The following ADAMTS20 variants were observed in gnomAD, a reference collection of about 807,000 sequenced individuals.
The protein encoded by ADAMTS20 is A disintegrin and metalloproteinase with thrombospondin motifs 20.
ADAMTS20 carries 225 observed loss-of-function variants against 260.1 expected under a neutral mutation model. The ratio of observed to expected loss-of-function variants is 0.87; its 90% confidence interval spans 0.78 to 0.97. The LOEUF (loss-of-function observed/expected upper bound fraction) is 0.97. ADAMTS20 is among the 50% of genes least tolerant of loss of function. The pLI is 0.00. For missense variants in ADAMTS20, 2,400 were observed against 2,337.7 expected (o/e 1.03, Z -0.55); for synonymous variants, 802 against 769.5 (o/e 1.04, Z -0.70).
intron 38 of ADAMTS20, 91 bp from the exon 39 acceptor site, chr12:43,354,389 G>T: frequency 1.1e-6 from 1 of 887,568 alleles, no homozygotes; most frequent in Non-Finnish European, 1.8e-6. Context: ...TGAATCATAT[G>T]GCTAAAATCA....
rs919368063 is a variant in ADAMTS20, at chr12:43,428,370, A to G, written c.3816T>C (p.Ser1272=). Residue 1272 remains serine, a synonymous_variant, in exon 26 of 39, where the codon AGT becomes AGC. Coordinates refer to ENST00000389420, the MANE Select transcript of ADAMTS20 (RefSeq NM_025003.5). ...ACPPAHSHFP[S]SPVQPSYYLS... Reference sequence around the variant, plus strand: ...GATAATAGCTTGGCTGCACAGGGGAACTAGGAAAGTGGCTGTGTGCAGGAG... The same window carrying G: ...GATAATAGCTTGGCTGCACAGGGGAGCTAGGAAAGTGGCTGTGTGCAGGAG... 6.2e-7 allele frequency: 1 copy of G among 1,613,914 alleles called. No homozygotes were observed. Among genetic ancestry groups the G allele is most frequent in the Admixed American group, 1.7e-5 (1 of 59,992 alleles).
intron 16 of ADAMTS20, among the ~76,000 whole-genome samples, chr12:43,440,369 G>A (rs1481952502): frequency 6.6e-6 from 1 of 152,070 alleles, no homozygotes. Flanking sequence ...GGCTGGTCTC[G>A]AACTCCTGAC....
chr12:43,526,677 G>C (rs1331801717), intron 3 of ADAMTS20, among the ~76,000 whole-genome samples: 3 of 152,132 alleles, frequency 2.0e-5, no homozygotes, highest in Non-Finnish European at 2.9e-5. Context: ...CTTTGGGACA[G>C]GGCAAAAGTA....
chr12:43,470,456 C>T (rs1027744467), intron 7 of ADAMTS20, among the ~76,000 whole-genome samples: 4 of 152,126 alleles, frequency 2.6e-5, no homozygotes, highest in East Asian at 1.9e-4. Context: ...CAAATATTCC[C>T]GTAAGCAGGC....
At chr12:43,536,231 TAA>T in intron 2 of ADAMTS20, among the ~76,000 whole-genome samples, 2 of 152,250 alleles carry the variant, frequency 1.3e-5, no homozygotes, top group South Asian at 4.1e-4. Context: ...TCATACCTAG[TAA>T]GTGGCGGTAT....
At chr12:43,514,469 G>A (rs1348643341) in intron 3 of ADAMTS20, among the ~76,000 whole-genome samples, 1 of 149,398 alleles carries the variant, frequency 6.7e-6, no homozygotes, top group Non-Finnish European at 1.5e-5. Flanking sequence ...GGCTGAGGCA[G>A]GAGAACAGCT....
rs1048095124 is a variant in ADAMTS20, at chr12:43,552,192, G to A, written c.-271C>T. 6.6e-6 allele frequency among the ~76,000 whole-genome samples: 1 copy of A among 152,198 alleles called. No homozygotes were observed. Among genetic ancestry groups the A allele is most frequent in the African/African-American group, 2.4e-5 (1 of 41,458 alleles). On this transcript the variant is annotated 5_prime_UTR_variant, in exon 1 of 39. Coordinates refer to ENST00000389420, the MANE Select transcript of ADAMTS20 (RefSeq NM_025003.5). ...AAACTCTCTGCTCAGGTTCAGCTCG[G>A]CGCGGGGAAGCAACTCGACCTAGCA... is the stretch of plus-strand genomic sequence containing the variant.
chr12:43,358,824 G>A (rs1240556906), intron 37 of ADAMTS20, among the ~76,000 whole-genome samples: 5 of 103,342 alleles, frequency 4.8e-5, no homozygotes, highest in African/African-American at 8.2e-5. Flanking sequence ...GCGACAGAGC[G>A]AAACTCCGTC....
intron 3 of ADAMTS20, among the ~76,000 whole-genome samples, chr12:43,510,955 A>G (rs1942916186): frequency 6.6e-6 from 1 of 152,086 alleles, no homozygotes; most frequent in African/African-American, 2.4e-5. Flanking sequence ...CTTCTCCCAT[A>G]CAAAGTTTAT....
At chr12:43,541,403 G>T (rs1347067651) in intron 2 of ADAMTS20, among the ~76,000 whole-genome samples, 2 of 152,126 alleles carry the variant, frequency 1.3e-5, no homozygotes, top group Admixed American at 1.3e-4. Flanking sequence ...GTGTTTAAGT[G>T]ATATTAATAA....
downstream of ADAMTS20, among the ~76,000 whole-genome samples, chr12:43,353,093 T>C (rs1392237313): frequency 1.3e-5 from 2 of 152,214 alleles, no homozygotes; most frequent in Admixed American, 1.3e-4. Flanking sequence ...TCCGAGTAGA[T>C]TTCCATAGAA....
intron 28 of ADAMTS20, among the ~76,000 whole-genome samples, chr12:43,425,005 G>GACAAAACAAA (rs750116083): frequency 7.9e-5 from 12 of 151,826 alleles, no homozygotes; most frequent in Middle Eastern, 3.4e-3. Flanking sequence ...AAGCAAAAGA[G>GACAAAACAAA]ACAAAACAAA....
chr12:43,460,051 T>C (rs1317868039), intron 11 of ADAMTS20, among the ~76,000 whole-genome samples: 5 of 152,170 alleles, frequency 3.3e-5, no homozygotes, highest in African/African-American at 7.2e-5. Flanking sequence ...TAAGGCAAAA[T>C]TATAGAATAT....
At chr12:43,410,780 G>A (rs950703423) in intron 28 of ADAMTS20, among the ~76,000 whole-genome samples, 4 of 152,328 alleles carry the variant, frequency 2.6e-5, no homozygotes, top group Admixed American at 2.6e-4. Context: ...CCCTATAGAG[G>A]AGGAATTTGA....
intron 8 of ADAMTS20, among the ~76,000 whole-genome samples, chr12:43,467,071 T>C (rs531726191): frequency 3.9e-5 from 6 of 152,098 alleles, no homozygotes; most frequent in African/African-American, 1.2e-4. Context: ...GACCACAGCA[T>C]TGACATAAAA....
At chr12:43,354,335 A>G (rs1230307016) in intron 38 of ADAMTS20, 37 bp from the exon 39 acceptor site, 7 of 1,455,796 alleles carry the variant, frequency 4.8e-6, no homozygotes, top group Middle Eastern at 3.4e-4. Flanking sequence ...AGAATCTTAT[A>G]CAAGCTGGTA....
intron 31 of ADAMTS20, among the ~76,000 whole-genome samples, chr12:43,382,073 A>C (rs1413218319): frequency 1.3e-5 from 2 of 152,190 alleles, no homozygotes; most frequent in African/African-American, 4.8e-5. Context: ...TGTGGAAAAC[A>C]GTTTGGCAGT....
At chr12:43,465,081 A>G (rs898780197) in intron 9 of ADAMTS20, among the ~76,000 whole-genome samples, 9 of 152,174 alleles carry the variant, frequency 5.9e-5, no homozygotes, top group Admixed American at 5.2e-4. Flanking sequence ...ATCCAATAGT[A>G]ATGCCTCAAG....
intron 14 of ADAMTS20, 140 bp downstream of exon 14, chr12:43,452,134 C>A: frequency 1.2e-6 from 1 of 827,578 alleles, no homozygotes; most frequent in Non-Finnish European, 1.8e-6. Flanking sequence ...CTATAGATAG[C>A]ATGATAACAA....
Sources: allele counts gnomAD v4.1 joint callset (sites outside exome capture counted in the v4.1 genomes callset), GRCh38; gene constraint gnomAD v4.1.1; transcripts MANE v1.5; gene names NCBI Gene and HGNC (gene_info 2026-07-23, HGNC 2026-07-21).